The following PLSCR2 variants were observed in gnomAD, a reference collection of about 807,000 sequenced individuals.
PLSCR2 encodes the protein phospholipid scramblase 2.
Under a neutral mutation model 25.3 loss-of-function variants are expected in PLSCR2, and 18 were observed. That is an observed-to-expected ratio of 0.71 (90% CI 0.49 to 1.06). The LOEUF (loss-of-function observed/expected upper bound fraction) is 1.06. Among genes scored for constraint, PLSCR2 ranks in the 50% least tolerant of loss-of-function variants. The pLI, the probability that PLSCR2 is intolerant of heterozygous loss-of-function variation, is 0.00. For missense variants in PLSCR2, 243 were observed against 269.5 expected, an observed-to-expected ratio of 0.90 and a Z score of 0.69; for synonymous variants, 88 against 87.3, an observed-to-expected ratio of 1.01 and a Z score of -0.04.
intron 2 of PLSCR2, among the ~76,000 whole-genome samples, chr3:146,409,801 G>A (rs2038785790): frequency 4.6e-5 from 7 of 152,088 alleles, no homozygotes; most frequent in Admixed American, 4.6e-4. Context: ...CAATTTAACA[G>A]AATTTGAGCA....
At chr3:146,461,975 A>G (rs903511883), upstream of PLSCR2, 3 of 1,232,118 alleles carry the variant, frequency 2.4e-6, no homozygotes, top group African/African-American at 1.5e-5. Flanking sequence ...AAAAATGACA[A>G]AGAACAAGTC....
chr3:146,464,150 C>T (rs148798762), upstream of PLSCR2, among the ~76,000 whole-genome samples: 176 of 152,240 alleles, frequency 1.2e-3, no homozygotes, highest in African/African-American at 4.0e-3. Flanking sequence ...CATTTTTCTG[C>T]AGTTAATCTA....
chr3:146,447,716 T>TAC (rs1172288234), intron 6 of PLSCR2, among the ~76,000 whole-genome samples: 1 of 152,126 alleles, frequency 6.6e-6, no homozygotes, highest in Non-Finnish European at 1.5e-5. Context: ...AGGTTATATA[T>TAC]ACCCATAAGT....
Position 146,422,473 on chromosome 3 carries a change from A to G in PLSCR2, c.101-26552T>C, listed in dbSNP as rs536865524. 2.0e-5 allele frequency among the ~76,000 whole-genome samples: 3 copies of G among 152,250 alleles called. No individual in the cohort carries two copies. The East Asian group carries it at 5.8e-4, about 29-fold the overall frequency. On this transcript the variant is annotated intron_variant and NMD_transcript_variant, in intron 2 of 3. Transcript: ENST00000463633. ...GGTAAATAGAGAGGACAGGGACAGC[A>G]ACCTAATTGAAGACAGCTATGACTG...
chr3:146,442,165 T>C (rs1325666200), intron 6 of PLSCR2, among the ~76,000 whole-genome samples: 1 of 152,042 alleles, frequency 6.6e-6, no homozygotes, highest in Non-Finnish European at 1.5e-5. Flanking sequence ...ATATAACTCT[T>C]CTTGTAATTT....
intron 6 of PLSCR2, among the ~76,000 whole-genome samples, chr3:146,448,624 C>A (rs1197145163): frequency 2.6e-5 from 4 of 152,210 alleles, no homozygotes; most frequent in African/African-American, 9.6e-5. Flanking sequence ...TGGGGCACTA[C>A]ACAAACTTCT....
chr3:146,438,291 T>C (rs2040012022), downstream of PLSCR2, among the ~76,000 whole-genome samples: 1 of 152,164 alleles, frequency 6.6e-6, no homozygotes, highest in Non-Finnish European at 1.5e-5. Flanking sequence ...CTATCAGGTC[T>C]GCTTGGTGCA....
At chr3:146,480,083 A>T (rs1455994831) in intron 1 of PLSCR2, among the ~76,000 whole-genome samples, 2 of 152,240 alleles carry the variant, frequency 1.3e-5, no homozygotes, top group African/African-American at 4.8e-5. Context: ...ACACATTCAA[A>T]GCCGTATGTA....
At chr3:146,440,542 G>A (rs955369538), downstream of PLSCR2, among the ~76,000 whole-genome samples, 10 of 152,214 alleles carry the variant, frequency 6.6e-5, no homozygotes, top group African/African-American at 2.4e-4. Flanking sequence ...CTAGCAGCGA[G>A]CGAGGCTCCA....
intron 2 of PLSCR2, among the ~76,000 whole-genome samples, chr3:146,400,599 A>G (rs1281229728): frequency 6.6e-5 from 7 of 105,834 alleles, no homozygotes; most frequent in Non-Finnish European, 1.1e-4. Flanking sequence ...ATCTCAGCAG[A>G]ATTTTTTAAT....
chr3:146,439,654 C>T (rs1232105468), downstream of PLSCR2, among the ~76,000 whole-genome samples: 2 of 152,138 alleles, frequency 1.3e-5, no homozygotes, highest in Non-Finnish European at 2.9e-5. Flanking sequence ...GCTGTTTATT[C>T]TAGTTAGCCA....
chr3:146,476,505 T>C (rs931414936), intron 1 of PLSCR2, among the ~76,000 whole-genome samples: 2 of 152,180 alleles, frequency 1.3e-5, no homozygotes, highest in Non-Finnish European at 2.9e-5. Context: ...ACTACTGAGC[T>C]CCCAGGGGGA....
At chr3:146,485,422 C>T (rs1438708439) in intron 1 of PLSCR2, among the ~76,000 whole-genome samples, 1 of 151,972 alleles carries the variant, frequency 6.6e-6, no homozygotes, top group African/African-American at 2.4e-5. Flanking sequence ...ATATCTAATA[C>T]TTGAACTCAG....
At chr3:146,475,724 C>T (rs1405057358) in intron 1 of PLSCR2, among the ~76,000 whole-genome samples, 1 of 152,118 alleles carries the variant, frequency 6.6e-6, no homozygotes, top group East Asian at 1.9e-4. Context: ...CAGCCTTTTC[C>T]AAAAGGTCCT....
At chr3:146,421,730 TC>T (rs1188434695) in intron 2 of PLSCR2, among the ~76,000 whole-genome samples, 9 of 152,248 alleles carry the variant, frequency 5.9e-5, no homozygotes, top group African/African-American at 2.2e-4. Flanking sequence ...TGTTTATAAG[TC>T]GTCTGCTTCT....
intron 3 of PLSCR2, among the ~76,000 whole-genome samples, chr3:146,455,718 G>A (rs949302615): frequency 1.3e-5 from 2 of 152,192 alleles, no homozygotes; most frequent in Non-Finnish European, 2.9e-5. Context: ...ATAGGCTCCT[G>A]TGAGAAGAGA....
chr3:146,447,333 C>T (rs553366166), intron 6 of PLSCR2, among the ~76,000 whole-genome samples: 13 of 152,324 alleles, frequency 8.5e-5, no homozygotes, highest in African/African-American at 3.1e-4. Flanking sequence ...TCAAGAGTTT[C>T]CCCTAATGCC....
At position 146,489,163 on chromosome 3, in the gene PLSCR2, T is replaced by C. The variant is rs561246164; in HGVS notation, c.-293+6732A>G. On this transcript the variant is annotated intron_variant, in intron 1 of 8. Transcript: ENST00000336685. ...GGGGAGCAACATACACTGGGGCATG[T>C]TGGGGCAGTAGTAGGGGAGATAGCA... Among the ~76,000 whole-genome samples, 3 of 152,024 alleles carry C rather than the reference T, an allele frequency of 2.0e-5. No homozygotes were observed. The East Asian group carries it at 5.8e-4, about 29-fold the overall frequency.
chr3:146,438,853 C>G (rs2108211017), downstream of PLSCR2, among the ~76,000 whole-genome samples: 2 of 152,250 alleles, frequency 1.3e-5, no homozygotes, highest in East Asian at 1.9e-4. Context: ...TTAGTTGATG[C>G]AGTTTCTTCC....
Sources: allele counts gnomAD v4.1 joint callset (sites outside exome capture counted in the v4.1 genomes callset), GRCh38; gene constraint gnomAD v4.1.1; transcripts MANE v1.5; gene names NCBI Gene and HGNC (gene_info 2026-07-23, HGNC 2026-07-21).